ATXN10: variants seen among roughly 807,000 people sequenced by gnomAD.
ATXN10 encodes ataxin-10.
A neutral mutation model predicts 52.9 loss-of-function variants in ATXN10; 28 were observed. That is an observed-to-expected ratio of 0.53 (90% confidence interval 0.39 to 0.73). ATXN10 has a LOEUF of 0.73. Ranked by LOEUF, ATXN10 falls within the 30% of genes least tolerant of loss-of-function variation. ATXN10 has a pLI of 0.00. For missense variants in ATXN10, 565 were observed against 577.0 expected, an observed-to-expected ratio of 0.98 and a Z score of 0.21; for synonymous variants, 226 against 221.5, an observed-to-expected ratio of 1.02 and a Z score of -0.18.
intron 7 of ATXN10, among the ~76,000 whole-genome samples, chr22:45,734,959 A>T (rs1925235407): frequency 6.6e-6 from 1 of 151,228 alleles, no homozygotes; most frequent in African/African-American, 2.4e-5. Context: ...GTCTTGGCTC[A>T]CTGCAACCTC....
chr22:45,765,287 G>A lies in ATXN10; in HGVS notation c.1173+24749G>A, dbSNP rs150280256. Among the ~76,000 whole-genome samples the A allele has an allele frequency of 1.9e-3, 293 of 152,204 alleles. 4 individuals are homozygous for A. Among genetic ancestry groups the A allele is most frequent in the African/African-American group, 6.6e-3 (273 of 41,522 alleles). ...CATCATCATAGGAAGATACAGAGAG[G>A]CTGTGAGGAGCAAGACAAGTCTGAA... On this transcript the variant is annotated intron_variant, in intron 9 of 11. Transcript: ENST00000252934.
At chr22:45,709,817 A>G (rs573519681) in intron 5 of ATXN10, among the ~76,000 whole-genome samples, 14 of 152,132 alleles carry the variant, frequency 9.2e-5, no homozygotes, top group Non-Finnish European at 1.8e-4. Flanking sequence ...TCCCCCACAC[A>G]TAACACCTCC....
intron 9 of ATXN10, among the ~76,000 whole-genome samples, chr22:45,746,375 A>G (rs771493067): frequency 2.0e-5 from 3 of 151,702 alleles, no homozygotes; most frequent in Non-Finnish European, 4.4e-5. Flanking sequence ...TAAATCATGA[A>G]AAACTGAAAA....
intron 2 of ATXN10, among the ~76,000 whole-genome samples, chr22:45,692,647 G>C (rs979207985): frequency 3.3e-5 from 5 of 152,166 alleles, no homozygotes; most frequent in African/African-American, 9.7e-5. Context: ...AAGGTGTGAT[G>C]CTATTAAAGC....
Position 45,683,406 on chromosome 22 carries a change from G to C in ATXN10, c.117-6306G>C, listed in dbSNP as rs1287557682. 6.6e-6 allele frequency among the ~76,000 whole-genome samples: 1 copy of C among 152,078 alleles called. No homozygotes were observed. Among genetic ancestry groups the C allele is most frequent in the African/African-American group, 2.4e-5 (1 of 41,418 alleles). ...CCGTGGCCTACTGTGCCTGTCCAGG[G>C]TGGCTCTGTCTTGTCTCTCTGAGTC... On this transcript the variant is annotated intron_variant, in intron 1 of 11. Coordinates refer to ENST00000252934, the MANE Select transcript of ATXN10 (RefSeq NM_013236.4). The surrounding 1 kb of genome is among the most constrained non-coding windows in gnomAD (Gnocchi z 4.8).
chr22:45,720,534 G>T lies in ATXN10; in HGVS notation c.728+2041G>T, dbSNP rs545910187. Among the ~76,000 whole-genome samples, 40 of 152,242 alleles carry T rather than the reference G, an allele frequency of 2.6e-4. 2 individuals carry two copies. In the South Asian group the frequency reaches 7.9e-3, roughly 30 times the overall value. ...TAACCATTTTTTAATGTACGGTTCAGGGGGTGTGAAGGATGTTCACATTGC... is the reference window on the plus strand; with the variant it reads ...TAACCATTTTTTAATGTACGGTTCATGGGGTGTGAAGGATGTTCACATTGC... On this transcript the variant is annotated intron_variant, in intron 6 of 11. Transcript: ENST00000252934.
At chr22:45,779,400 A>C (rs1927068949) in intron 9 of ATXN10, among the ~76,000 whole-genome samples, 1 of 152,210 alleles carries the variant, frequency 6.6e-6, no homozygotes, top group African/African-American at 2.4e-5. Context: ...ATAATTCAGA[A>C]GACTATAATT....
At chr22:45,722,036 A>G (rs2146779377) in intron 6 of ATXN10, among the ~76,000 whole-genome samples, 1 of 152,386 alleles carries the variant, frequency 6.6e-6, no homozygotes, top group East Asian at 1.9e-4. Context: ...AGTGATTGAG[A>G]GACAAAATTA....
intron 2 of ATXN10, among the ~76,000 whole-genome samples, chr22:45,691,019 T>C (rs1033517829): frequency 1.3e-5 from 2 of 152,158 alleles, no homozygotes; most frequent in African/African-American, 4.8e-5. Context: ...GAGGCTTTGA[T>C]ATGATTAATG....
rs1439829756 is a variant in ATXN10, at chr22:45,805,936, G to C, written c.1174-1023G>C. Reference sequence around the variant, plus strand: ...CCAGTGCTTTGGGAGACCAAGGCAGGAGGATCACTTGAGGCTGGGAGTTTG... The same window carrying C: ...CCAGTGCTTTGGGAGACCAAGGCAGCAGGATCACTTGAGGCTGGGAGTTTG... On this transcript the variant is annotated intron_variant, in intron 9 of 11. Coordinates refer to ENST00000252934, the MANE Select transcript of ATXN10 (RefSeq NM_013236.4). This position sits in a 1 kb window ranked among gnomAD's most constrained non-coding sequence, Gnocchi z 4.4. 6.6e-6 allele frequency among the ~76,000 whole-genome samples: 1 copy of C among 152,210 alleles called. No homozygotes were observed. The highest frequency in any genetic ancestry group is 6.5e-5 in the Admixed American group (1 of 15,290).
intron 9 of ATXN10, among the ~76,000 whole-genome samples, chr22:45,748,340 A>G (rs1212347792): frequency 1.3e-5 from 2 of 152,246 alleles, no homozygotes; most frequent in Non-Finnish European, 2.9e-5. Flanking sequence ...TTTGTAGACA[A>G]CATTTCACAA....
At chr22:45,711,265 A>G (rs188151435) in intron 5 of ATXN10, among the ~76,000 whole-genome samples, 128 of 152,280 alleles carry the variant, frequency 8.4e-4, no homozygotes, top group Non-Finnish European at 1.4e-3. Context: ...AAAAAAGCCA[A>G]TGAATCCCCA....
rs1408071593 is a variant in ATXN10, at chr22:45,708,764, T to G, written c.647+5917T>G. 6.6e-6 allele frequency among the ~76,000 whole-genome samples: 1 copy of G among 152,126 alleles called. No individual in the cohort carries two copies. Among genetic ancestry groups the G allele is most frequent in the African/African-American group, 2.4e-5 (1 of 41,428 alleles). On this transcript the variant is annotated intron_variant, in intron 5 of 11. Coordinates refer to ENST00000252934, the MANE Select transcript of ATXN10 (RefSeq NM_013236.4). The surrounding 1 kb of genome is among the most constrained non-coding windows in gnomAD (Gnocchi z 5.3). Reference sequence around the variant, plus strand: ...AAGTGATTCTCCCATCTCAGCCCCCTGAGTAGCCAGGACTACAGGCGTGCG... The same window carrying G: ...AAGTGATTCTCCCATCTCAGCCCCCGGAGTAGCCAGGACTACAGGCGTGCG...
chr22:45,735,039 C>T (rs986854427), intron 7 of ATXN10, among the ~76,000 whole-genome samples: 4 of 151,818 alleles, frequency 2.6e-5, no homozygotes, highest in South Asian at 4.2e-4. Context: ...CCACCATGTC[C>T]GGCTAATTTT....
In ATXN10 at chr22:45,684,914, C is replaced by G. The variant is rs974824302; in HGVS notation, c.117-4798C>G. ...TCAGCAAGATTATGGTTTTAGATAA[C>G]AACCAGTGATTGTTGTTTTAATCTG... On this transcript the variant is annotated intron_variant, in intron 1 of 11. Transcript: ENST00000252934. This position sits in a 1 kb window ranked among gnomAD's most constrained non-coding sequence, Gnocchi z 4.1. 3.3e-5 allele frequency among the ~76,000 whole-genome samples: 5 copies of G among 152,192 alleles called. No homozygotes were observed. Among genetic ancestry groups the G allele is most frequent in the African/African-American group, 4.8e-5 (2 of 41,446 alleles).
intron 9 of ATXN10, chr22:45,793,852 G>A: frequency 7.8e-7 from 1 of 1,286,962 alleles, no homozygotes. Context: ...GGGTGAGCTG[G>A]TGGTGGTAAA....
chr22:45,736,479 G>A (rs1157753733), intron 7 of ATXN10, among the ~76,000 whole-genome samples: 2 of 147,250 alleles, frequency 1.4e-5, no homozygotes, highest in African/African-American at 5.4e-5. Flanking sequence ...ACAGATAAGG[G>A]CCACCTTATC....
intron 9 of ATXN10, 79 bp from the exon 10 acceptor site, chr22:45,806,880 C>A: frequency 8.8e-7 from 1 of 1,137,146 alleles, no homozygotes; most frequent in Non-Finnish European, 1.3e-6. Flanking sequence ...TAAGAAAACA[C>A]AAAAGGAACA....
rs1342619903 is a variant in ATXN10 at position 45,732,810 on chromosome 22, C to T, written c.894+3220C>T. ...GGTTTTCCACCTGCCTCTTCCACCC[C>T]AGCCATTCTTCTGCCAAACCACTGC... On this transcript the variant is annotated intron_variant, in intron 7 of 11. Coordinates refer to ENST00000252934, the MANE Select transcript of ATXN10 (RefSeq NM_013236.4). This position sits in a 1 kb window ranked among gnomAD's most constrained non-coding sequence, Gnocchi z 4.5. Among the ~76,000 whole-genome samples, 3 of 152,146 alleles carry T rather than the reference C, an allele frequency of 2.0e-5. No homozygotes were observed. Among genetic ancestry groups the T allele is most frequent in the East Asian group, 3.9e-4 (2 of 5,192 alleles).
Sources: allele counts gnomAD v4.1 joint callset (sites outside exome capture counted in the v4.1 genomes callset), GRCh38; gene constraint gnomAD v4.1.1; non-coding constraint Gnocchi (gnomAD v3.1); transcripts MANE v1.5; gene names NCBI Gene and HGNC (gene_info 2026-07-23, HGNC 2026-07-21).